ARHGAP21: variants seen among roughly 807,000 people sequenced by gnomAD.
ARHGAP21 encodes Rho GTPase activating protein 21.
ARHGAP21 carries 38 observed loss-of-function variants against 164.6 expected under a neutral mutation model. The observed-to-expected ratio is 0.23, with a 90% CI of 0.18 to 0.30. The LOEUF (loss-of-function observed/expected upper bound fraction) is 0.30. Ranked by LOEUF, ARHGAP21 falls within the 10% of genes least tolerant of loss-of-function variation. The pLI is 1.00. For missense variants in ARHGAP21, 1,822 were observed against 2,370.7 expected (o/e 0.77, Z 4.81); for synonymous variants, 766 against 857.9 (o/e 0.89, Z 1.87).
At chr10:24,658,004 C>G (rs1839250722) in intron 4 of ARHGAP21, among the ~76,000 whole-genome samples, 1 of 140,234 alleles carries the variant, frequency 7.1e-6, no homozygotes, top group African/African-American at 2.7e-5. Flanking sequence ...GTCCCATGAC[C>G]CTGCCAAATC....
chr10:24,683,148 A>T (rs1841933650), intron 2 of ARHGAP21, among the ~76,000 whole-genome samples: 1 of 152,078 alleles, frequency 6.6e-6, no homozygotes, highest in East Asian at 1.9e-4. Flanking sequence ...ATACTCTCAC[A>T]ACATGAACTT....
intron 4 of ARHGAP21, among the ~76,000 whole-genome samples, chr10:24,661,021 C>T (rs893355222): frequency 6.6e-6 from 1 of 151,810 alleles, no homozygotes; most frequent in Admixed American, 6.6e-5. Context: ...TCCCAGCTGC[C>T]GAAAGACTCA....
intron 4 of ARHGAP21, among the ~76,000 whole-genome samples, chr10:24,648,348 G>A (rs566479674): frequency 6.6e-5 from 10 of 152,176 alleles, no homozygotes; most frequent in Non-Finnish European, 1.0e-4. Context: ...TATAGCTTTC[G>A]AAAATTGTGA....
intron 21 of ARHGAP21, 144 bp from the exon 22 acceptor site, chr10:24,592,156 A>ATTTTTTTTTTTTTTTT (rs57846258): frequency 4.9e-6 from 1 of 205,774 alleles, no homozygotes; most frequent in African/African-American, 4.1e-5. Context: ...TTCTAGCAAG[A>ATTTTTTTTTTTTTTTT]TTTTTTTTTT....
At chr10:24,667,658 C>G (rs1271427598) in intron 3 of ARHGAP21, among the ~76,000 whole-genome samples, 3 of 152,080 alleles carry the variant, frequency 2.0e-5, no homozygotes, top group Non-Finnish European at 4.4e-5. Flanking sequence ...CTCTACCATA[C>G]TGGAGCTACC....
At chr10:24,702,856 G>A (rs1316162020) in intron 2 of ARHGAP21, among the ~76,000 whole-genome samples, 1 of 152,094 alleles carries the variant, frequency 6.6e-6, no homozygotes. Context: ...CTCTAAGACT[G>A]TATCCTATGA....
intron 2 of ARHGAP21, 94 bp downstream of exon 2, chr10:24,721,743 T>C: frequency 6.9e-7 from 1 of 1,440,224 alleles, no homozygotes; most frequent in South Asian, 1.2e-5. Flanking sequence ...GGGAAGCCCC[T>C]AGTGAGGCCC....
rs149321525 is a variant in ARHGAP21 at position 24,599,319 on chromosome 10, A to C, written c.3133-1310T>G. On this transcript the variant is annotated intron_variant, in intron 14 of 25. Transcript: ENST00000396432. Reference sequence around the variant, plus strand: ...TTACTTAAAGCTGAAATCCACATCTAAGTTCTTATTCTCCCTGTTTATTTT... The same window carrying C: ...TTACTTAAAGCTGAAATCCACATCTCAGTTCTTATTCTCCCTGTTTATTTT... Among the ~76,000 whole-genome samples the C allele has an allele frequency of 6.6e-5, 10 of 152,294 alleles. No individual in the cohort carries two copies. In the East Asian group the frequency reaches 1.9e-3, roughly 29 times the overall value.
At chr10:24,596,932 G>A in intron 16 of ARHGAP21, 50 bp from the exon 17 acceptor site, 1 of 1,554,706 alleles carries the variant, frequency 6.4e-7, no homozygotes, top group Non-Finnish European at 8.6e-7. Flanking sequence ...GGAAATGAGT[G>A]TCTAAATCAT....
At chr10:24,704,289 C>CTTT (rs201080039) in intron 2 of ARHGAP21, among the ~76,000 whole-genome samples, 14 of 125,968 alleles carry the variant, frequency 1.1e-4, no homozygotes, top group Non-Finnish European at 1.5e-4. Flanking sequence ...TTTTTCTTTT[C>CTTT]TTTTTTTTTT....
intron 2 of ARHGAP21, chr10:24,714,366 T>C (rs1032086720): frequency 6.6e-6 from 1 of 152,196 alleles, no homozygotes; most frequent in Non-Finnish European, 1.5e-5. Flanking sequence ...ATGAACTTCA[T>C]AAAACGCTTA....
chr10:24,596,717 T>A, intron 17 of ARHGAP21, 23 bp downstream of exon 17: 1 of 1,613,216 alleles, frequency 6.2e-7, no homozygotes, highest in Non-Finnish European at 8.5e-7. Flanking sequence ...CTTGAGGAAA[T>A]CCGGTGGGCT....
chr10:24,675,922 C>G (rs1019824369), intron 2 of ARHGAP21, among the ~76,000 whole-genome samples: 2 of 152,092 alleles, frequency 1.3e-5, no homozygotes, highest in African/African-American at 4.8e-5. Context: ...CTGAGGCAGG[C>G]AGATCACCTG....
chr10:24,603,784 G>A (rs565273561), intron 12 of ARHGAP21, among the ~76,000 whole-genome samples: 34 of 152,258 alleles, frequency 2.2e-4, no homozygotes, highest in African/African-American at 6.5e-4. Context: ...GATCACCTGA[G>A]GTCAGGAGTT....
chr10:24,722,920 G>A (rs1417958686), intron 1 of ARHGAP21, among the ~76,000 whole-genome samples: 2 of 151,936 alleles, frequency 1.3e-5, no homozygotes, highest in Non-Finnish European at 1.5e-5. Context: ...AGCTACACCC[G>A]AGCAACTCTG....
intron 9 of ARHGAP21, among the ~76,000 whole-genome samples, chr10:24,617,229 ATTGTT>A (rs780891372): frequency 9.4e-4 from 143 of 152,268 alleles, no homozygotes; most frequent in Admixed American, 1.6e-3. Flanking sequence ...TAATAACATA[ATTGTT>A]TTATTTCTAT....
At chr10:24,592,107 C>CAGAAAAATAGCTTTG in intron 21 of ARHGAP21, 95 bp from the exon 22 acceptor site, 1 of 1,073,626 alleles carries the variant, frequency 9.3e-7, no homozygotes, top group Non-Finnish European at 1.2e-6. Context: ...AAAGAATAAA[C>CAGAAAAATAGCTTTG]AGAAAAATAG....
intron 9 of ARHGAP21, among the ~76,000 whole-genome samples, chr10:24,614,813 A>T (rs376207577): frequency 5.7e-4 from 86 of 150,240 alleles, no homozygotes; most frequent in African/African-American, 1.7e-3. Context: ...GCTAGGTTTT[A>T]AAAAAAACGT....
chr10:24,611,139 G>A (rs1222943824), intron 9 of ARHGAP21, among the ~76,000 whole-genome samples: 1 of 152,202 alleles, frequency 6.6e-6, no homozygotes, highest in Non-Finnish European at 1.5e-5. Context: ...CCTCCTGTGG[G>A]CGGGCATGAT....
Sources: gnomAD v4.1 joint callset for allele counts (sites outside exome capture counted in the v4.1 genomes callset) on GRCh38, gnomAD v4.1.1 for gene constraint, MANE v1.5 for transcripts, NCBI Gene and HGNC (gene_info 2026-07-23, HGNC 2026-07-21) for gene names.